GOLIM4: variants seen among roughly 807,000 people sequenced by gnomAD.
GOLIM4 encodes golgi integral membrane protein 4.
GOLIM4 carries 71 observed loss-of-function variants against 107.4 expected under a neutral mutation model. That is an observed-to-expected ratio of 0.66 (90% CI 0.55 to 0.81). GOLIM4 has a LOEUF of 0.81. GOLIM4 is among the 30% of genes least tolerant of loss of function. The pLI is 0.00. For missense variants in GOLIM4, 830 were observed against 826.1 expected (o/e 1.00, Z -0.06); for synonymous variants, 327 against 294.8 (o/e 1.11, Z -1.12).
intron 1 of GOLIM4, among the ~76,000 whole-genome samples, chr3:168,059,755 T>G (rs1720157669): frequency 6.6e-6 from 1 of 152,092 alleles, no homozygotes; most frequent in Admixed American, 6.6e-5. Flanking sequence ...GTGGGGAGAA[T>G]GGGCCAGGCT....
chr3:168,030,931 C>T (rs77427181), intron 9 of GOLIM4, among the ~76,000 whole-genome samples: 1,748 of 152,248 alleles, frequency 0.011, 32 homozygotes, highest in African/African-American at 0.038. Flanking sequence ...TGCAGCATTA[C>T]TCACAATGGC....
intron 7 of GOLIM4, among the ~76,000 whole-genome samples, chr3:168,040,031 G>A (rs964661637): frequency 3.9e-5 from 6 of 152,130 alleles, no homozygotes; most frequent in African/African-American, 9.7e-5. Context: ...AGCATAGATC[G>A]TTTACCTTTG....
At position 168,010,279 on chromosome 3, in the gene GOLIM4, G is replaced by T; in HGVS notation, c.2081C>A (p.Ala694Asp). 6.2e-7 allele frequency: 1 copy of T among 1,611,760 alleles called. No individual in the cohort carries two copies. Among genetic ancestry groups the T allele is most frequent in the Non-Finnish European group, 8.5e-7 (1 of 1,179,186 alleles). ...AGAAATTGGGTGCCGCTACATTTCA[G>T]CTCTTCGATGTGATTTCTCAGCAAC... is the stretch of plus-strand genomic sequence containing the variant. ...AAVAEKSHRR[A>D]EM Residue 694 changes from alanine to aspartate, a missense_variant, in exon 16 of 16, where the codon GCT (alanine) becomes GAT (aspartate). Coordinates refer to ENST00000470487, the MANE Select transcript of GOLIM4 (RefSeq NM_014498.5).
At chr3:168,029,407 C>A in intron 10 of GOLIM4, 105 bp from the exon 11 acceptor site, 2 of 700,956 alleles carry the variant, frequency 2.9e-6, no homozygotes, top group South Asian at 5.3e-5. Context: ...TGTTTCTCAA[C>A]ATTTTTAAGA....
intron 3 of GOLIM4, 120 bp downstream of exon 3, chr3:168,046,830 G>A: frequency 2.0e-6 from 1 of 490,882 alleles, no homozygotes; most frequent in Non-Finnish European, 3.6e-6. Flanking sequence ...GGGGGTGTCA[G>A]TCCTATAATC....
At chr3:168,021,197 C>A (rs1717658269) in intron 14 of GOLIM4, among the ~76,000 whole-genome samples, 1 of 152,096 alleles carries the variant, frequency 6.6e-6, no homozygotes, top group Non-Finnish European at 1.5e-5. Flanking sequence ...TCTATTAACA[C>A]CTTTCTTTTA....
At chr3:168,062,601 T>C (rs929862991) in intron 1 of GOLIM4, among the ~76,000 whole-genome samples, 4 of 152,288 alleles carry the variant, frequency 2.6e-5, no homozygotes, top group East Asian at 3.9e-4. Context: ...TCCTCACAAA[T>C]GCTCTATTTA....
chr3:168,058,005 G>A (rs574294742), intron 1 of GOLIM4, among the ~76,000 whole-genome samples: 4 of 152,210 alleles, frequency 2.6e-5, no homozygotes, highest in Admixed American at 2.6e-4. Context: ...ACAGAATAGA[G>A]ATTAAATTTA....
At chr3:168,058,440 T>C (rs2108265098) in intron 1 of GOLIM4, among the ~76,000 whole-genome samples, 1 of 152,344 alleles carries the variant, frequency 6.6e-6, no homozygotes. Context: ...ATCATTCTCA[T>C]TATCAGATGA....
intron 9 of GOLIM4, among the ~76,000 whole-genome samples, chr3:168,030,888 A>G (rs1324716568): frequency 6.6e-6 from 1 of 152,226 alleles, no homozygotes; most frequent in African/African-American, 2.4e-5. Flanking sequence ...GGAAATTGCT[A>G]TATTGAAGAG....
rs1718226827 is a variant in GOLIM4 at position 168,029,991 on chromosome 3, C to T, written c.1222G>A (p.Glu408Lys). 1 of 1,614,026 alleles carries T rather than the reference C, an allele frequency of 6.2e-7. No individual in the cohort carries two copies. The highest frequency in any genetic ancestry group is 1.1e-5 in the South Asian group (1 of 91,092). Residue 408 changes from glutamate to lysine, a missense_variant, in exon 10 of 16, where the codon GAG becomes AAG. Physicochemically the swap from Glu to Lys is moderately conservative, Grantham distance 56. Coordinates refer to ENST00000470487, the MANE Select transcript of GOLIM4 (RefSeq NM_014498.5). ...AGTCTCTGCTGTTCCAACTGTTCCT[C>T]ATAGGGTGATTGGAATTTGATCATT... ...KPMIKFQSPY[E>K]EQLEQQRLAV...
intron 14 of GOLIM4, among the ~76,000 whole-genome samples, chr3:168,023,200 C>G (rs561447609): frequency 6.6e-6 from 1 of 152,242 alleles, no homozygotes; most frequent in East Asian, 1.9e-4. Flanking sequence ...CATAATAAAA[C>G]AAAGTGGTAT....
intron 14 of GOLIM4, among the ~76,000 whole-genome samples, chr3:168,013,234 G>A (rs1717161190): frequency 6.6e-6 from 1 of 151,476 alleles, no homozygotes; most frequent in Non-Finnish European, 1.5e-5. Context: ...GGCAGGGGTT[G>A]CAATCCGAGT....
At chr3:168,050,914 T>G (rs1719605731) in intron 1 of GOLIM4, among the ~76,000 whole-genome samples, 1 of 151,380 alleles carries the variant, frequency 6.6e-6, no homozygotes, top group African/African-American at 2.4e-5. Context: ...GGCAGACTGT[T>G]CATCACCCAC....
chr3:168,091,987 C>A (rs1456274571), intron 1 of GOLIM4, among the ~76,000 whole-genome samples: 1 of 152,160 alleles, frequency 6.6e-6, no homozygotes, highest in Non-Finnish European at 1.5e-5. Flanking sequence ...TCAACCTTGG[C>A]TGCACACAGG....
At chr3:168,040,457 C>T (rs6766741) in intron 7 of GOLIM4, among the ~76,000 whole-genome samples, 1,666 of 152,264 alleles carry the variant, frequency 0.011, 28 homozygotes, top group African/African-American at 0.038. Context: ...ACAGATACTA[C>T]ACCAAGAGTC....
intron 14 of GOLIM4, among the ~76,000 whole-genome samples, chr3:168,018,990 A>T (rs56022666): frequency 0.043 from 6,549 of 151,872 alleles, 181 homozygotes; most frequent in Non-Finnish European, 0.069. Flanking sequence ...GCACAAAAAA[A>T]AAAAAAGAAA....
chr3:168,045,398 T>C (rs1453068809), intron 3 of GOLIM4, among the ~76,000 whole-genome samples: 1 of 152,304 alleles, frequency 6.6e-6, no homozygotes, highest in African/African-American at 2.4e-5. Flanking sequence ...TGAGGCTCTA[T>C]TTTGCAGAGT....
intron 1 of GOLIM4, among the ~76,000 whole-genome samples, chr3:168,067,525 AACAC>A (rs35330464): frequency 1.3e-5 from 2 of 150,472 alleles, no homozygotes; most frequent in Middle Eastern, 3.4e-3. Context: ...AAAAAAAAAA[AACAC>A]ACACACACAC....
Sources: allele counts gnomAD v4.1 joint callset (sites outside exome capture counted in the v4.1 genomes callset), GRCh38; gene constraint gnomAD v4.1.1; transcripts MANE v1.5; gene names NCBI Gene and HGNC (gene_info 2026-07-23, HGNC 2026-07-21).